The following COL23A1 variants were observed in gnomAD, a reference collection of about 807,000 sequenced individuals.
The protein encoded by COL23A1 is collagen type XXIII alpha 1 chain.
COL23A1 carries 97 observed loss-of-function variants against 99.3 expected under a neutral mutation model. That is an observed-to-expected ratio of 0.98 (90% CI 0.83 to 1.16). COL23A1 has a LOEUF of 1.16. Among genes scored for constraint, COL23A1 ranks in the 50% most tolerant of loss-of-function variants. The pLI, the probability that COL23A1 is intolerant of heterozygous loss-of-function variation, is 0.00. For missense variants in COL23A1, 762 were observed against 757.4 expected (o/e 1.01, Z -0.07); for synonymous variants, 320 against 308.2 (o/e 1.04, Z -0.40).
Position 178,349,039 on chromosome 5 carries a change from C to T in COL23A1, c.362-42120G>A, listed in dbSNP as rs559365775. On this transcript the variant is annotated intron_variant, in intron 2 of 28. Transcript: ENST00000390654. ...TTAACACAGAAGGCGGCATTGTCTT[C>T]CTGCGTCTTGCCGGGCAGTCTGGAA... 2.0e-5 allele frequency among the ~76,000 whole-genome samples: 3 copies of T among 152,298 alleles called. No homozygotes were observed. In the South Asian group the frequency reaches 6.2e-4, roughly 32 times the overall value.
intron 2 of COL23A1, among the ~76,000 whole-genome samples, chr5:178,449,053 G>C (rs2127858948): frequency 6.6e-6 from 1 of 152,204 alleles, no homozygotes; most frequent in Non-Finnish European, 1.5e-5. Flanking sequence ...CTGGAGTGCA[G>C]TGTTACGATC....
chr5:178,391,394 A>G (rs2127752389), intron 2 of COL23A1, among the ~76,000 whole-genome samples: 1 of 152,390 alleles, frequency 6.6e-6, no homozygotes, highest in South Asian at 2.1e-4. Context: ...TTACAAGTCA[A>G]CAATAAAAAG....
intron 2 of COL23A1, among the ~76,000 whole-genome samples, chr5:178,559,927 C>T (rs929447488): frequency 2.0e-4 from 31 of 151,634 alleles, no homozygotes; most frequent in African/African-American, 6.5e-4. Context: ...TTTCCCTGCA[C>T]GTCGGGAAGT....
At chr5:178,274,909 C>T (rs1348273299) in intron 5 of COL23A1, among the ~76,000 whole-genome samples, 1 of 152,222 alleles carries the variant, frequency 6.6e-6, no homozygotes, top group African/African-American at 2.4e-5. Flanking sequence ...CTCTGAGAAA[C>T]CCCACAGCTG....
chr5:178,322,300 T>A (rs1342620300), intron 2 of COL23A1, among the ~76,000 whole-genome samples: 2 of 149,674 alleles, frequency 1.3e-5, no homozygotes, highest in Admixed American at 6.6e-5. Flanking sequence ...CCCACGCCTA[T>A]TTTTTTTGTA....
At chr5:178,373,686 G>A (rs991063390) in intron 2 of COL23A1, among the ~76,000 whole-genome samples, 2 of 152,212 alleles carry the variant, frequency 1.3e-5, no homozygotes, top group African/African-American at 4.8e-5. Context: ...AAAGTGCTGG[G>A]ATTACAGGTG....
At chr5:178,493,051 A>G (rs561816852) in intron 2 of COL23A1, among the ~76,000 whole-genome samples, 4 of 152,214 alleles carry the variant, frequency 2.6e-5, no homozygotes, top group African/African-American at 7.2e-5. Context: ...TTGGTCTCTC[A>G]CCCTTTAAAT....
intron 16 of COL23A1, among the ~76,000 whole-genome samples, chr5:178,254,406 C>G (rs1265054901): frequency 6.6e-6 from 1 of 152,232 alleles, no homozygotes; most frequent in Non-Finnish European, 1.5e-5. Flanking sequence ...GGGCCCCCTT[C>G]CCAGTCTGGT....
intron 25 of COL23A1, among the ~76,000 whole-genome samples, chr5:178,245,157 C>T (rs1764609656): frequency 2.0e-5 from 3 of 150,474 alleles, no homozygotes; most frequent in Non-Finnish European, 4.4e-5. Context: ...ATCCATCCAT[C>T]CGTCCATCCC....
At chr5:178,386,900 G>A (rs1763706596) in intron 2 of COL23A1, among the ~76,000 whole-genome samples, 1 of 152,112 alleles carries the variant, frequency 6.6e-6, no homozygotes, top group African/African-American at 2.4e-5. Context: ...TCGGATGCCT[G>A]GTAACTTCCT....
intron 2 of COL23A1, among the ~76,000 whole-genome samples, chr5:178,316,656 A>G (rs1758998137): frequency 6.6e-6 from 1 of 152,192 alleles, no homozygotes; most frequent in Non-Finnish European, 1.5e-5. Context: ...TGTTTATTGG[A>G]ATCAAACTAT....
intron 2 of COL23A1, among the ~76,000 whole-genome samples, chr5:178,500,025 A>C (rs1344573137): frequency 6.6e-6 from 1 of 152,174 alleles, no homozygotes; most frequent in Non-Finnish European, 1.5e-5. Flanking sequence ...ATAGTAACAG[A>C]AAGTTGGTAA....
intron 5 of COL23A1, among the ~76,000 whole-genome samples, chr5:178,276,685 C>T (rs1756602601): frequency 6.6e-6 from 1 of 152,242 alleles, no homozygotes; most frequent in South Asian, 2.1e-4. Flanking sequence ...ACATGGGCTG[C>T]AGCAAGACTG....
chr5:178,318,902 CAAA>C (rs34021116), intron 2 of COL23A1, among the ~76,000 whole-genome samples: 1 of 137,030 alleles, frequency 7.3e-6, no homozygotes, highest in Non-Finnish European at 1.6e-5. Flanking sequence ...ACTTCATCTC[CAAA>C]AAAAAAAAAA....
rs201960093 is a variant in COL23A1, at chr5:178,261,726, G to C, written c.698C>G (p.Pro233Arg). ...TGGGGAATAAGGAGTACTCACCTTG[G>C]GCCCTGGGGGTCCCTTTGGGCCCTG... Reference protein sequence around the residue: ...GEMGPKGPPGPKGEPGVPGKK... With the variant: ...GEMGPKGPPGRKGEPGVPGKK... Residue 233 changes from proline (P) to arginine (R), a missense_variant, in exon 11 of 29, where the codon CCC (proline) becomes CGC (arginine). Pro to Arg is a moderately radical substitution (Grantham distance 103). Transcript: ENST00000390654. 7.5e-6 allele frequency: 12 copies of C among 1,609,590 alleles called. No individual in the cohort carries two copies. The highest frequency in any genetic ancestry group is 1.7e-4 in the Middle Eastern group (1 of 6,058).
At chr5:178,551,422 T>C (rs927322515) in intron 2 of COL23A1, among the ~76,000 whole-genome samples, 2 of 152,096 alleles carry the variant, frequency 1.3e-5, no homozygotes, top group South Asian at 2.1e-4. Flanking sequence ...CTTTCATCAG[T>C]GGGTCTTACA....
intron 4 of COL23A1, 156 bp from the exon 5 acceptor site, chr5:178,288,506 G>T: frequency 1.4e-6 from 1 of 736,884 alleles, no homozygotes; most frequent in Non-Finnish European, 2.5e-6. Flanking sequence ...CAGGGGTCTT[G>T]GGGGCAGAGC....
intron 2 of COL23A1, among the ~76,000 whole-genome samples, chr5:178,379,231 G>A (rs1454036550): frequency 7.9e-5 from 12 of 151,984 alleles, no homozygotes; most frequent in Admixed American, 7.2e-4. Flanking sequence ...AAGACATAGT[G>A]ATCAACTAAA....
In COL23A1 at chr5:178,387,721, G is replaced by A. The variant is rs1763747558; in HGVS notation, c.362-80802C>T. On this transcript the variant is annotated intron_variant, in intron 2 of 28. Transcript: ENST00000390654. The surrounding 1 kb of genome is among the most constrained non-coding windows in gnomAD (Gnocchi z 4.7). ...ATACACGCTGAGCTAATGAATGAAC[G>A]AACGACAATGAGGCAGTGGGTCTGA... is the stretch of plus-strand genomic sequence containing the variant. 6.6e-6 allele frequency among the ~76,000 whole-genome samples: 1 copy of A among 152,162 alleles called. No individual in the cohort carries two copies. The highest frequency in any genetic ancestry group is 6.5e-5 in the Admixed American group (1 of 15,270).
Sources: allele counts gnomAD v4.1 joint callset (sites outside exome capture counted in the v4.1 genomes callset), GRCh38; gene constraint gnomAD v4.1.1; non-coding constraint Gnocchi (gnomAD v3.1); transcripts MANE v1.5; gene names NCBI Gene and HGNC (gene_info 2026-07-23, HGNC 2026-07-21).